The following ROBO2 variants were observed in gnomAD, a reference collection of about 807,000 sequenced individuals.
ROBO2 encodes the protein roundabout homolog 2.
A neutral mutation model predicts 160.8 loss-of-function variants in ROBO2; 53 were observed. The observed-to-expected ratio is 0.33, with a 90% CI of 0.26 to 0.41. The LOEUF is 0.41. ROBO2 is among the 10% of genes least tolerant of loss of function. The pLI is 1.00. For missense variants in ROBO2, 1,577 were observed against 1,722.4 expected, an observed-to-expected ratio of 0.92 and a Z score of 1.49; for synonymous variants, 664 against 611.7, an observed-to-expected ratio of 1.09 and a Z score of -1.26.
chr3:77,612,910 G>A (rs550888792), intron 21 of ROBO2, among the ~76,000 whole-genome samples: 66 of 151,982 alleles, frequency 4.3e-4, no homozygotes, highest in Non-Finnish European at 7.2e-4. Flanking sequence ...CCGAGATCGC[G>A]CCACTGCACT....
chr3:77,013,543 A>G (rs62249944), intron 2 of ROBO2, among the ~76,000 whole-genome samples: 36,074 of 152,036 alleles, frequency 0.24, 4,681 homozygotes, highest in African/African-American at 0.32. Context: ...TAAGGCTCTG[A>G]CCGTCATTAA....
intron 2 of ROBO2, among the ~76,000 whole-genome samples, chr3:76,607,357 A>G (rs1436942348): frequency 6.6e-6 from 1 of 152,210 alleles, no homozygotes; most frequent in Non-Finnish European, 1.5e-5. Flanking sequence ...GAACCTCTTT[A>G]TTGATATTTA....
intron 2 of ROBO2, among the ~76,000 whole-genome samples, chr3:77,002,397 A>C (rs997322334): frequency 6.6e-6 from 1 of 150,758 alleles, no homozygotes; most frequent in African/African-American, 2.4e-5. Flanking sequence ...TATATTGATA[A>C]TACATTATTT....
intron 2 of ROBO2, among the ~76,000 whole-genome samples, chr3:76,675,478 A>G (rs1055538328): frequency 2.0e-5 from 3 of 152,228 alleles, no homozygotes; most frequent in East Asian, 3.8e-4. Flanking sequence ...CATTTTATAT[A>G]TAACCTATAT....
In ROBO2 at chr3:76,436,385, C is replaced by T. The variant is rs1577175264; in HGVS notation, c.109+498783C>T. On this transcript the variant is annotated intron_variant, in intron 2 of 26. Coordinates refer to the ROBO2 transcript ENST00000487694. ...TCACCTGTCTTCACTGCCTCCTTTT[C>T]CCTGTCATGCTCATCAGCTTATGGC... Among the ~76,000 whole-genome samples, 4 of 152,124 alleles carry T rather than the reference C, an allele frequency of 2.6e-5. No individual in the cohort carries two copies. The South Asian group carries it at 8.3e-4, about 32-fold the overall frequency.
At chr3:76,125,025 G>A (rs1052027590) in intron 2 of ROBO2, among the ~76,000 whole-genome samples, 1 of 152,012 alleles carries the variant, frequency 6.6e-6, no homozygotes, top group African/African-American at 2.4e-5. Context: ...AGATTGCAGT[G>A]TCTGTTATTC....
chr3:77,640,236 C>T (rs570517620), intron 24 of ROBO2, among the ~76,000 whole-genome samples: 1 of 150,278 alleles, frequency 6.7e-6, no homozygotes, highest in African/African-American at 2.4e-5. Context: ...CTCAGCCTCC[C>T]GAGTAGCTGG....
chr3:77,086,071 C>A (rs2069262453), intron 1 of ROBO2, among the ~76,000 whole-genome samples: 1 of 151,814 alleles, frequency 6.6e-6, no homozygotes, highest in Admixed American at 6.6e-5. Context: ...AAATAAACAG[C>A]GTTGGTATAT....
chr3:76,877,532 T>A (rs2072876263), intron 2 of ROBO2, among the ~76,000 whole-genome samples: 2 of 152,194 alleles, frequency 1.3e-5, no homozygotes, highest in South Asian at 2.1e-4. Flanking sequence ...AGGGGCTTTT[T>A]ACTTCTAGTA....
chr3:76,010,929 A>G (rs764119558), intron 2 of ROBO2, among the ~76,000 whole-genome samples: 12 of 152,200 alleles, frequency 7.9e-5, no homozygotes, highest in Non-Finnish European at 1.6e-4. Context: ...AATATTGCCC[A>G]AAATACATCC....
intron 2 of ROBO2, among the ~76,000 whole-genome samples, chr3:77,304,627 A>G (rs1305746701): frequency 6.6e-6 from 1 of 152,134 alleles, no homozygotes; most frequent in East Asian, 1.9e-4. Context: ...TGAAATTTCT[A>G]TTTCATTCTG....
intron 2 of ROBO2, among the ~76,000 whole-genome samples, chr3:77,325,641 A>T (rs903848064): frequency 1.3e-5 from 2 of 152,178 alleles, no homozygotes. Context: ...TGGCCATCAA[A>T]TTCTTGGAAT....
chr3:76,932,213 A>C (rs1211207151), intron 2 of ROBO2, among the ~76,000 whole-genome samples: 1 of 152,124 alleles, frequency 6.6e-6, no homozygotes, highest in Non-Finnish European at 1.5e-5. Context: ...AAGAATATGA[A>C]ATTTTTACAA....
chr3:75,987,380 C>T (rs1351188734), intron 2 of ROBO2, among the ~76,000 whole-genome samples: 1 of 151,744 alleles, frequency 6.6e-6, no homozygotes, highest in Admixed American at 6.6e-5. Context: ...CTAATGTTTA[C>T]GTGTTGCTTT....
At chr3:76,876,973 A>G (rs1262302965) in intron 2 of ROBO2, among the ~76,000 whole-genome samples, 1 of 151,970 alleles carries the variant, frequency 6.6e-6, no homozygotes, top group Non-Finnish European at 1.5e-5. Flanking sequence ...CATTTTTAAG[A>G]CACTAAAATT....
chr3:77,644,063 A>T (rs558420230), intron 24 of ROBO2, among the ~76,000 whole-genome samples: 7 of 152,226 alleles, frequency 4.6e-5, no homozygotes, highest in Admixed American at 4.6e-4. Context: ...CAATTTTTGA[A>T]CTATTGAGTG....
upstream of ROBO2, among the ~76,000 whole-genome samples, chr3:77,036,099 T>G (rs9862848): frequency 0.18 from 28,066 of 151,852 alleles, 2,709 homozygotes; most frequent in Admixed American, 0.26. Context: ...AAGTTCTTGA[T>G]AACATAGACT....
chr3:76,134,681 G>T (rs1397161639), intron 2 of ROBO2, among the ~76,000 whole-genome samples: 1 of 151,976 alleles, frequency 6.6e-6, no homozygotes, highest in Non-Finnish European at 1.5e-5. Flanking sequence ...GCAGCCTTGT[G>T]ACCCCTTACG....
intron 2 of ROBO2, among the ~76,000 whole-genome samples, chr3:76,203,668 C>G (rs79320724): frequency 0.2 from 1,612 of 8,190 alleles, 18 homozygotes; most frequent in African/African-American, 0.26. Flanking sequence ...TCCCGGTCAA[C>G]AGATCACAGG....
Sources: gnomAD v4.1 joint callset for allele counts (sites outside exome capture counted in the v4.1 genomes callset) on GRCh38, gnomAD v4.1.1 for gene constraint, MANE v1.5 for transcripts, NCBI Gene and HGNC (gene_info 2026-07-23, HGNC 2026-07-21) for gene names.